EPS8: variants seen among roughly 807,000 people sequenced by gnomAD.
EPS8 encodes EGFR pathway substrate 8, signaling adaptor, also known as epidermal growth factor receptor kinase substrate 8.
In EPS8, 42 loss-of-function variants were observed where a neutral mutation model predicts 103.8. The observed-to-expected ratio is 0.40, with a 90% CI of 0.32 to 0.52. The LOEUF (loss-of-function observed/expected upper bound fraction) is 0.52, where lower values mean the gene tolerates loss of function less well. Among genes scored for constraint, EPS8 ranks in the 20% least tolerant of loss-of-function variants. The pLI is 0.40. For missense variants in EPS8, 969 were observed against 1,005.1 expected, an observed-to-expected ratio of 0.96 and a Z score of 0.49; for synonymous variants, 344 against 344.6, an observed-to-expected ratio of 1.00 and a Z score of 0.02.
At chr12:15,707,086 G>A (rs1946397160) in intron 1 of EPS8, among the ~76,000 whole-genome samples, 1 of 152,090 alleles carries the variant, frequency 6.6e-6, no homozygotes, top group Non-Finnish European at 1.5e-5. Context: ...CCTCCATGTG[G>A]GAAAAAGGCA....
rs969095924 is a variant in EPS8, at chr12:15,697,658, T to C, written c.-21-14686A>G. On this transcript the variant is annotated intron_variant, in intron 1 of 20. Transcript: ENST00000281172. The surrounding 1 kb of genome is among the most constrained non-coding windows in gnomAD (Gnocchi z 5.6). ...TAGAGTTTTTTACCCAAAAATCACATGCTCACATGACCTCTAAAAAGAACT... is the reference window on the plus strand; with the variant it reads ...TAGAGTTTTTTACCCAAAAATCACACGCTCACATGACCTCTAAAAAGAACT... Among the ~76,000 whole-genome samples, 8 of 152,226 alleles carry C rather than the reference T, an allele frequency of 5.3e-5. No homozygotes were observed. The highest frequency in any genetic ancestry group is 1.2e-4 in the Non-Finnish European group (8 of 68,028).
At chr12:15,694,912 T>C (rs1946222996) in intron 1 of EPS8, among the ~76,000 whole-genome samples, 1 of 152,214 alleles carries the variant, frequency 6.6e-6, no homozygotes, top group African/African-American at 2.4e-5. Context: ...AATTTTTTCA[T>C]AACCATGAAA....
At chr12:15,657,955 C>G in intron 12 of EPS8, 124 bp downstream of exon 12, 1 of 652,258 alleles carries the variant, frequency 1.5e-6, no homozygotes, top group Non-Finnish European at 2.7e-6. Context: ...GATGTTTACA[C>G]AAATGGCAAA....
chr12:15,758,628 G>A lies in EPS8; in HGVS notation c.-22+30533C>T, dbSNP rs187736480. 1.8e-4 allele frequency among the ~76,000 whole-genome samples: 27 copies of A among 152,250 alleles called. No individual in the cohort carries two copies. The East Asian group carries it at 4.2e-3, about 24-fold the overall frequency. On this transcript the variant is annotated intron_variant, in intron 1 of 20. Coordinates refer to ENST00000281172, the MANE Select transcript of EPS8 (RefSeq NM_004447.6). ...CCTGTCAGAGACAAGATAACTAAAC[G>A]CAACACATTGGCCTTGATTAGATCC... is the stretch of plus-strand genomic sequence containing the variant.
At chr12:15,707,978 G>A (rs1235998871) in intron 1 of EPS8, among the ~76,000 whole-genome samples, 1 of 152,108 alleles carries the variant, frequency 6.6e-6, no homozygotes, top group East Asian at 1.9e-4. Flanking sequence ...ATTTAGGTAT[G>A]AGAATGAGTT....
chr12:15,726,178 G>C (rs1946650933), intron 1 of EPS8, among the ~76,000 whole-genome samples: 1 of 152,074 alleles, frequency 6.6e-6, no homozygotes, highest in Admixed American at 6.6e-5. Flanking sequence ...TTAAAGAGCT[G>C]ACAAAGCAAG....
chr12:15,640,102 A>G (rs1275848805), intron 17 of EPS8, among the ~76,000 whole-genome samples: 1 of 152,232 alleles, frequency 6.6e-6, no homozygotes, highest in Admixed American at 6.5e-5. Flanking sequence ...GGGCCATAAG[A>G]ATGGACCTTC....
In EPS8 at chr12:15,698,605, G is replaced by A. The variant is rs1946271940; in HGVS notation, c.-21-15633C>T. 6.6e-6 allele frequency among the ~76,000 whole-genome samples: 1 copy of A among 151,012 alleles called. No homozygotes were observed. Among genetic ancestry groups the A allele is most frequent in the Non-Finnish European group, 1.5e-5 (1 of 67,896 alleles). Reference sequence around the variant, plus strand: ...TGCTAAGAAGCCCCAGGAATAGCACGTACCGGCACATAGTAGCACATTCAA... The same window carrying A: ...TGCTAAGAAGCCCCAGGAATAGCACATACCGGCACATAGTAGCACATTCAA... On this transcript the variant is annotated intron_variant, in intron 1 of 20. Coordinates refer to ENST00000281172, the MANE Select transcript of EPS8 (RefSeq NM_004447.6). This position sits in a 1 kb window ranked among gnomAD's most constrained non-coding sequence, Gnocchi z 4.9.
At chr12:15,680,823 A>T (rs558355720) in intron 3 of EPS8, among the ~76,000 whole-genome samples, 4 of 152,300 alleles carry the variant, frequency 2.6e-5, no homozygotes, top group African/African-American at 9.6e-5. Flanking sequence ...ATTATATAAC[A>T]TCTATTAGAC....
intron 3 of EPS8, among the ~76,000 whole-genome samples, chr12:15,673,787 AGCT>A (rs771730814): frequency 3.0e-4 from 45 of 152,172 alleles, no homozygotes; most frequent in Non-Finnish European, 5.1e-4. Context: ...TAGTAGTACA[AGCT>A]GCTCAACTCC....
rs1487935992 is a variant in EPS8 at position 15,721,593 on chromosome 12, G to GT, written c.-21-38622dup. On this transcript the variant is annotated intron_variant, in intron 1 of 20. Transcript: ENST00000281172. The surrounding 1 kb of genome is among the most constrained non-coding windows in gnomAD (Gnocchi z 4.4). ...CACTGCTCTACATCTCAGCCCATCAGTTTTCCTTCTTTGGAATAGTACATT... is the reference window on the plus strand; with the variant it reads ...CACTGCTCTACATCTCAGCCCATCAGTTTTTCCTTCTTTGGAATAGTACATT... Among the ~76,000 whole-genome samples the GT allele has an allele frequency of 6.6e-6, 1 of 152,136 alleles. No homozygotes were observed. Among genetic ancestry groups the GT allele is most frequent in the East Asian group, 1.9e-4 (1 of 5,188 alleles).
intron 1 of EPS8, among the ~76,000 whole-genome samples, chr12:15,710,723 A>C (rs1946451042): frequency 6.6e-6 from 1 of 152,188 alleles, no homozygotes; most frequent in Admixed American, 6.5e-5. Context: ...TACACAAACA[A>C]ACTCTAAAAA....
chr12:15,732,655 G>T, intron 1 of EPS8: 2 of 426,046 alleles, frequency 4.7e-6, no homozygotes, highest in Non-Finnish European at 6.3e-6. Context: ...ATTTTTTGGA[G>T]AAGTCAAATA....
rs193211450 is a variant in EPS8, at chr12:15,703,990, C to T, written c.-21-21018G>A. Among the ~76,000 whole-genome samples, 72 of 151,768 alleles carry T rather than the reference C, an allele frequency of 4.7e-4. 1 individual carries two copies. Among genetic ancestry groups the T allele is most frequent in the Non-Finnish European group, 4.4e-5 (3 of 67,936 alleles). Reference sequence around the variant, plus strand: ...ACCACTTACCTCTAAGGACAGAGACCACACTTCCTAGAATTATTAGTTACA... The same window carrying T: ...ACCACTTACCTCTAAGGACAGAGACTACACTTCCTAGAATTATTAGTTACA... On this transcript the variant is annotated intron_variant, in intron 1 of 20. Transcript: ENST00000281172.
chr12:15,622,824 C>A (rs1944881863), intron 20 of EPS8, among the ~76,000 whole-genome samples: 1 of 151,920 alleles, frequency 6.6e-6, no homozygotes, highest in African/African-American at 2.4e-5. Flanking sequence ...AGGATTCTGG[C>A]CTCTTAAGGC....
In EPS8 at chr12:15,621,282, C is replaced by A. The variant is rs1944857156; in HGVS notation, c.*35G>T. 1.8e-6 allele frequency: 2 copies of A among 1,142,662 alleles called. No individual in the cohort carries two copies. Among genetic ancestry groups the A allele is most frequent in the African/African-American group, 1.6e-5 (1 of 62,350 alleles). The allele number at this position is 1,142,662 out of a possible 1,614,324, so 70.8% of individuals were successfully genotyped here. A position where few individuals can be genotyped will look rare whatever the true frequency, so the allele number is the denominator to read the frequency against. The stretch of plus-strand genomic sequence containing the variant: ...TAAAACAAAGCATGTTGGAATAATG[C>A]CAAAAACAATGGAGTTTAAATACAA... On this transcript the variant is annotated 3_prime_UTR_variant, in exon 21 of 21. Transcript: ENST00000281172.
rs996725823 is a variant in EPS8, at chr12:15,731,918, A to T, written c.-21-48946T>A. ...TAATCACTATATATATCTGTTCCTT[A>T]AAATCTGATTTCAGGATGGAATTTT... On this transcript the variant is annotated intron_variant, in intron 1 of 20. Coordinates refer to ENST00000281172, the MANE Select transcript of EPS8 (RefSeq NM_004447.6). This position sits in a 1 kb window ranked among gnomAD's most constrained non-coding sequence, Gnocchi z 5.1. Among the ~76,000 whole-genome samples the T allele has an allele frequency of 6.6e-6, 1 of 152,108 alleles. No homozygotes were observed. Among genetic ancestry groups the T allele is most frequent in the Non-Finnish European group, 1.5e-5 (1 of 68,012 alleles).
At position 15,752,437 on chromosome 12, in the gene EPS8, A is replaced by C. The variant is rs1364713663; in HGVS notation, c.-22+36724T>G. ...ACCCTAGCCTGGGCGACAGAGCAAG[A>C]CTCCATCTCAAAAAAAAAACAAAAA... On this transcript the variant is annotated intron_variant, in intron 1 of 20. Coordinates refer to ENST00000281172, the MANE Select transcript of EPS8 (RefSeq NM_004447.6). This position sits in a 1 kb window ranked among gnomAD's most constrained non-coding sequence, Gnocchi z 4.4. Among the ~76,000 whole-genome samples the C allele has an allele frequency of 2.0e-5, 3 of 151,486 alleles. No homozygotes were observed. The highest frequency in any genetic ancestry group is 7.3e-5 in the African/African-American group (3 of 41,250).
At chr12:15,773,035 G>A (rs981241808) in intron 1 of EPS8, among the ~76,000 whole-genome samples, 2 of 152,098 alleles carry the variant, frequency 1.3e-5, no homozygotes, top group African/African-American at 4.8e-5. Flanking sequence ...CGCTGATGTA[G>A]GAGAAGTGAA....
Sources: allele counts gnomAD v4.1 joint callset (sites outside exome capture counted in the v4.1 genomes callset), GRCh38; gene constraint gnomAD v4.1.1; non-coding constraint Gnocchi (gnomAD v3.1); transcripts MANE v1.5; gene names NCBI Gene and HGNC (gene_info 2026-07-23, HGNC 2026-07-21).